Variants in B4GALT5 observed in about 807,000 individuals in gnomAD.
B4GALT5 encodes the protein UDP-Gal:beta-GlcNAc beta-1,4-galactosyltransferase 5.
A neutral mutation model predicts 45.0 loss-of-function variants in B4GALT5; 11 were observed. The ratio of observed to expected loss-of-function variants is 0.24; its 90% CI spans 0.15 to 0.40. The LOEUF (loss-of-function observed/expected upper bound fraction) is 0.40, where lower values mean the gene tolerates loss of function less well. Among genes scored for constraint, B4GALT5 ranks in the 10% least tolerant of loss-of-function variants. B4GALT5 has a pLI of 1.00. For synonymous variants in B4GALT5, 185 were observed against 182.9 expected (o/e 1.01, Z -0.09); for missense variants, 337 against 500.2 (o/e 0.67, Z 3.11).
intron 1 of B4GALT5, among the ~76,000 whole-genome samples, chr20:49,663,969 G>C (rs1487391906): frequency 6.6e-6 from 1 of 151,748 alleles, no homozygotes; most frequent in African/African-American, 2.4e-5. Context: ...CAGGTGAAAG[G>C]GTTGTTGAAG....
At chr20:49,702,172 C>G (rs1184760298) in intron 1 of B4GALT5, among the ~76,000 whole-genome samples, 1 of 152,176 alleles carries the variant, frequency 6.6e-6, no homozygotes, top group African/African-American at 2.4e-5. Context: ...CCCGTGTCGC[C>G]TGCCGAATCC....
At chr20:49,656,785 TTTC>T in intron 1 of B4GALT5, 83 bp from the exon 2 acceptor site, 1 of 1,568,542 alleles carries the variant, frequency 6.4e-7, no homozygotes, top group Non-Finnish European at 8.6e-7. Context: ...TGGATTTTTT[TTTC>T]TTTTTGGACT....
At chr20:49,675,939 G>A (rs1271942767) in intron 1 of B4GALT5, among the ~76,000 whole-genome samples, 1 of 152,058 alleles carries the variant, frequency 6.6e-6, no homozygotes, top group African/African-American at 2.4e-5. Flanking sequence ...TGCACTATGA[G>A]GCTACACTAA....
chr20:49,659,103 C>A (rs895106203), intron 1 of B4GALT5, among the ~76,000 whole-genome samples: 5 of 152,166 alleles, frequency 3.3e-5, no homozygotes, highest in Non-Finnish European at 7.3e-5. Flanking sequence ...GTTCTAGCCA[C>A]AACCTCTCTC....
At chr20:49,686,247 T>A (rs1424442678) in intron 1 of B4GALT5, among the ~76,000 whole-genome samples, 2 of 152,240 alleles carry the variant, frequency 1.3e-5, no homozygotes, top group Non-Finnish European at 2.9e-5. Flanking sequence ...GATCTCTTTA[T>A]GTCTTTCCTA....
chr20:49,691,524 A>G (rs2085812047), intron 1 of B4GALT5, among the ~76,000 whole-genome samples: 1 of 151,914 alleles, frequency 6.6e-6, no homozygotes, highest in Non-Finnish European at 1.5e-5. Flanking sequence ...AAAACAAACA[A>G]AAAAAAACCC....
intron 1 of B4GALT5, among the ~76,000 whole-genome samples, chr20:49,712,978 A>G (rs1279477694): frequency 1.4e-5 from 2 of 147,530 alleles, no homozygotes; most frequent in East Asian, 4.2e-4. Flanking sequence ...AACGTGAGTT[A>G]GGGAGGAGGA....
At chr20:49,706,264 T>G (rs2085883534) in intron 1 of B4GALT5, among the ~76,000 whole-genome samples, 2 of 151,970 alleles carry the variant, frequency 1.3e-5, no homozygotes, top group African/African-American at 2.4e-5. Context: ...CCCTTTTATG[T>G]GCATATTCTA....
Position 49,637,953 on chromosome 20 carries a change from G to T in B4GALT5, c.918-511C>A, listed in dbSNP as rs11696417. Among the ~76,000 whole-genome samples, 1,404 of 151,738 alleles carry T rather than the reference G, an allele frequency of 9.3e-3. 8 individuals carry two copies. Among genetic ancestry groups the T allele is most frequent in the Non-Finnish European group, 0.014 (979 of 67,902 alleles). On this transcript the variant is annotated intron_variant, in intron 7 of 8. Coordinates refer to ENST00000371711, the MANE Select transcript of B4GALT5 (RefSeq NM_004776.4). Reference sequence around the variant, plus strand: ...AAAAAAGAAAAGAAAAGTACGGAAAGAAATGGTTACTTCCAGGGAATAAAA... The same window carrying T: ...AAAAAAGAAAAGAAAAGTACGGAAATAAATGGTTACTTCCAGGGAATAAAA...
chr20:49,694,687 AGGGAAAGGGAAAGGGAAG>A (rs2085830953), intron 1 of B4GALT5, among the ~76,000 whole-genome samples: 1 of 98,000 alleles, frequency 1.0e-5, no homozygotes, highest in Non-Finnish European at 2.5e-5. Context: ...GGAAAGGGAA[AGGGAAAGGGAAAGGGAAG>A]GCAAGTTTGC....
intron 1 of B4GALT5, among the ~76,000 whole-genome samples, chr20:49,697,714 T>C (rs996041777): frequency 2.0e-5 from 3 of 152,172 alleles, no homozygotes; most frequent in Admixed American, 2.0e-4. Flanking sequence ...TTATGTTCCA[T>C]TCTGTTTAGA....
chr20:49,659,268 G>A (rs1411014102), intron 1 of B4GALT5, among the ~76,000 whole-genome samples: 3 of 152,098 alleles, frequency 2.0e-5, no homozygotes, highest in African/African-American at 7.2e-5. Flanking sequence ...AGTCTTTTAC[G>A]TCTCTTGCCT....
chr20:49,664,469 C>CTT (rs2085680476), intron 1 of B4GALT5, among the ~76,000 whole-genome samples: 2 of 147,528 alleles, frequency 1.4e-5, no homozygotes, highest in African/African-American at 5.1e-5. Flanking sequence ...CACACACACA[C>CTT]ACTTTAGATT....
At chr20:49,688,392 T>C (rs1422154251) in intron 1 of B4GALT5, among the ~76,000 whole-genome samples, 1 of 152,162 alleles carries the variant, frequency 6.6e-6, no homozygotes, top group Non-Finnish European at 1.5e-5. Context: ...AGGGCCCCAG[T>C]TCTTAGCCAG....
intron 1 of B4GALT5, among the ~76,000 whole-genome samples, chr20:49,672,250 G>A (rs1256214196): frequency 6.6e-6 from 1 of 152,140 alleles, no homozygotes; most frequent in East Asian, 1.9e-4. Context: ...TACTCGTTGG[G>A]AATTTAAGTG....
chr20:49,666,922 T>A (rs1044891952), intron 1 of B4GALT5, among the ~76,000 whole-genome samples: 14 of 152,228 alleles, frequency 9.2e-5, no homozygotes, highest in African/African-American at 3.4e-4. Context: ...TGGATTCCTA[T>A]ACAACTAATA....
intron 1 of B4GALT5, among the ~76,000 whole-genome samples, chr20:49,677,832 G>A (rs181320083): frequency 5.9e-5 from 9 of 152,130 alleles, no homozygotes; most frequent in East Asian, 1.9e-4. Context: ...TGCCATCTCC[G>A]CCTCCCAAGT....
intron 6 of B4GALT5, 122 bp from the exon 7 acceptor site, chr20:49,639,922 G>GT: frequency 7.5e-7 from 1 of 1,328,744 alleles, no homozygotes; most frequent in Non-Finnish European, 1.0e-6. Flanking sequence ...CCATATGAAT[G>GT]TATCAAATTA....
At chr20:49,698,222 C>T (rs1203756371) in intron 1 of B4GALT5, among the ~76,000 whole-genome samples, 1 of 152,006 alleles carries the variant, frequency 6.6e-6, no homozygotes, top group Admixed American at 6.6e-5. Context: ...ACTCGGGAGG[C>T]TGAGGTGGGA....
Sources: gnomAD v4.1 joint callset for allele counts (sites outside exome capture counted in the v4.1 genomes callset) on GRCh38, gnomAD v4.1.1 for gene constraint, MANE v1.5 for transcripts, NCBI Gene and HGNC (gene_info 2026-07-23, HGNC 2026-07-21) for gene names.